Variants in ALG8 observed in about 807,000 individuals in gnomAD.
ALG8 encodes ALG8 alpha-1,3-glucosyltransferase, also known as dolichyl pyrophosphate Glc1Man9GlcNAc2 alpha-1,3-glucosyltransferase.
ALG8 carries 48 observed loss-of-function variants against 70.2 expected under a neutral mutation model. That is an observed-to-expected ratio of 0.68 (90% CI 0.54 to 0.87). The LOEUF is 0.87. ALG8 is among the 40% of genes least tolerant of loss of function. The pLI, the probability that ALG8 is intolerant of heterozygous loss-of-function variation, is 0.00. For missense variants in ALG8, 572 were observed against 608.7 expected, an observed-to-expected ratio of 0.94 and a Z score of 0.64; for synonymous variants, 234 against 229.0, an observed-to-expected ratio of 1.02 and a Z score of -0.20.
chr11:78,104,136 A>G (rs1859917204), intron 11 of ALG8, 84 bp from the exon 12 acceptor site: 5 of 962,570 alleles, frequency 5.2e-6, no homozygotes, highest in Non-Finnish European at 8.0e-6. Flanking sequence ...GCACACTGAC[A>G]CAGCTATATA....
chr11:78,105,036 G>C (rs988573775), intron 10 of ALG8, among the ~76,000 whole-genome samples: 2 of 152,132 alleles, frequency 1.3e-5, no homozygotes, highest in African/African-American at 4.8e-5. Context: ...TGTGGGATTG[G>C]GAGCTGCCTA....
At chr11:78,117,190 TG>T (rs2136910969) in intron 5 of ALG8, among the ~76,000 whole-genome samples, 1 of 152,292 alleles carries the variant, frequency 6.6e-6, no homozygotes, top group South Asian at 2.1e-4. Flanking sequence ...TTTCATTTTA[TG>T]GGGAAAATGA....
rs186117363 is a variant in ALG8, at chr11:78,124,227, T to C, written c.175-13A>G. 4.5e-5 allele frequency: 72 copies of C among 1,612,762 alleles called. No homozygotes were observed. The Admixed American group carries it at 6.8e-4, about 15-fold the overall frequency. On this transcript the variant is annotated splice_polypyrimidine_tract_variant and intron_variant, in intron 2 of 12. Coordinates refer to ENST00000299626, the MANE Select transcript of ALG8 (RefSeq NM_024079.5). Reference sequence around the variant, plus strand: ...ACTCTGAAGTTGCCTGTGATAAAAATAGAAGATCAGACATATCCTAAATAA... The same window carrying C: ...ACTCTGAAGTTGCCTGTGATAAAAACAGAAGATCAGACATATCCTAAATAA...
intron 9 of ALG8, among the ~76,000 whole-genome samples, chr11:78,108,364 T>C (rs683930): frequency 0.66 from 100,869 of 151,922 alleles, 34,300 homozygotes; most frequent in African/African-American, 0.82. Flanking sequence ...CCCAGCTACT[T>C]GGGAGGCTGA....
chr11:78,137,161 G>C (rs1430249659), intron 1 of ALG8: 1 of 152,032 alleles, frequency 6.6e-6, no homozygotes, highest in Non-Finnish European at 1.5e-5. Context: ...TCACAGGCAT[G>C]AGCCACCGCG....
At chr11:78,115,080 T>A (rs1230667974) in intron 5 of ALG8, among the ~76,000 whole-genome samples, 2 of 152,236 alleles carry the variant, frequency 1.3e-5, no homozygotes, top group African/African-American at 4.8e-5. Context: ...TTACCCAGGC[T>A]GAAGTGCAGT....
chr11:78,117,963 C>T lies in ALG8; in HGVS notation c.546+1219G>A, dbSNP rs544939566. On this transcript the variant is annotated intron_variant, in intron 5 of 12. Coordinates refer to ENST00000299626, the MANE Select transcript of ALG8 (RefSeq NM_024079.5). ...GCAGGCGCCTGTAGTCCCAGCTACT[C>T]GGGAGGCTGAGGCGGGAGAATGGCG... Among the ~76,000 whole-genome samples the T allele has an allele frequency of 7.3e-5, 11 of 150,440 alleles. No homozygotes were observed. The East Asian group carries it at 2.0e-3, about 27-fold the overall frequency.
chr11:78,130,918 A>T (rs538086958), intron 1 of ALG8, among the ~76,000 whole-genome samples: 1 of 152,008 alleles, frequency 6.6e-6, no homozygotes, highest in Non-Finnish European at 1.5e-5. Context: ...ATTTGTCCTT[A>T]ATTTTGGCAA....
chr11:78,131,710 C>A (rs1446506160), intron 1 of ALG8, among the ~76,000 whole-genome samples: 1 of 151,942 alleles, frequency 6.6e-6, no homozygotes, highest in Non-Finnish European at 1.5e-5. Context: ...AAGCAATCTG[C>A]CTGCCTTGGC....
At chr11:78,109,728 AC>A in intron 8 of ALG8, 147 bp from the exon 9 acceptor site, 1 of 819,384 alleles carries the variant, frequency 1.2e-6, no homozygotes, top group Non-Finnish European at 2.0e-6. Context: ...TTAATCCTAT[AC>A]TATTCTACCC....
At chr11:78,110,384 G>T (rs985939167) in intron 8 of ALG8, among the ~76,000 whole-genome samples, 2 of 152,104 alleles carry the variant, frequency 1.3e-5, no homozygotes, top group East Asian at 1.9e-4. Context: ...TAGAGACGGG[G>T]TGTCACCATG....
chr11:78,114,596 A>G lies in ALG8; in HGVS notation c.547-204T>C, dbSNP rs653721. 400,663 of 637,834 alleles carry G rather than the reference A, an allele frequency of 0.63. 127,778 individuals are homozygous for G. The highest frequency in any genetic ancestry group is 0.82 in the African/African-American group (45,628 of 55,770). 39.5% of individuals were successfully genotyped at this position (637,834 alleles called of 1,614,324 possible). The stretch of plus-strand genomic sequence containing the variant: ...GGTAATGGGGGAAAATGGGTGAGGG[A>G]TATATAGGAACTCTCTGTACTATTT... On this transcript the variant is annotated intron_variant, in intron 5 of 12. Transcript: ENST00000299626.
chr11:78,118,824 C>T (rs1433499326), intron 5 of ALG8, among the ~76,000 whole-genome samples: 1 of 152,028 alleles, frequency 6.6e-6, no homozygotes, highest in Non-Finnish European at 1.5e-5. Flanking sequence ...ATCCCAGCTA[C>T]TCATGAGGCT....
chr11:78,102,578 C>T (rs1182533208), intron 12 of ALG8, among the ~76,000 whole-genome samples: 1 of 152,140 alleles, frequency 6.6e-6, no homozygotes, highest in East Asian at 1.9e-4. Flanking sequence ...ATTGCTGGGT[C>T]ACATGGCTAT....
intron 10 of ALG8, among the ~76,000 whole-genome samples, chr11:78,104,992 C>T (rs1329994423): frequency 6.6e-6 from 1 of 151,836 alleles, no homozygotes; most frequent in East Asian, 1.9e-4. Flanking sequence ...ATCTTGCTTC[C>T]CTGAGTAATT....
At chr11:78,122,218 C>T (rs375086049) in intron 3 of ALG8, among the ~76,000 whole-genome samples, 29 of 152,284 alleles carry the variant, frequency 1.9e-4, no homozygotes, top group African/African-American at 3.8e-4. Context: ...ATCCTCCTTT[C>T]GCCCTATGGA....
At chr11:78,130,827 T>A (rs962169301) in intron 1 of ALG8, among the ~76,000 whole-genome samples, 3 of 152,024 alleles carry the variant, frequency 2.0e-5, no homozygotes, top group Admixed American at 6.6e-5. Context: ...TTTTCTGAAA[T>A]TTTTTTAGAT....
intron 12 of ALG8, among the ~76,000 whole-genome samples, chr11:78,102,212 A>G (rs1363627156): frequency 6.6e-6 from 1 of 152,300 alleles, no homozygotes; most frequent in East Asian, 1.9e-4. Flanking sequence ...GAAACTCTGG[A>G]ACCATTAACA....
chr11:78,123,930 G>T, intron 3 of ALG8, 91 bp downstream of exon 3: 1 of 1,400,346 alleles, frequency 7.1e-7, no homozygotes, highest in South Asian at 1.2e-5. Flanking sequence ...TATAAACTTT[G>T]TTCCTCCTAA....
Sources: allele counts gnomAD v4.1 joint callset (sites outside exome capture counted in the v4.1 genomes callset), GRCh38; gene constraint gnomAD v4.1.1; transcripts MANE v1.5; gene names NCBI Gene and HGNC (gene_info 2026-07-23, HGNC 2026-07-21).